The following SEZ6L2 variants were observed in gnomAD, a reference collection of about 807,000 sequenced individuals.
SEZ6L2 encodes the protein seizure 6-like protein 2.
Under a neutral mutation model 97.0 loss-of-function variants are expected in SEZ6L2, and 44 were observed. That is an observed-to-expected ratio of 0.45 (90% CI 0.36 to 0.58). The LOEUF is 0.58. Ranked by LOEUF, SEZ6L2 falls within the 20% of genes least tolerant of loss-of-function variation. SEZ6L2 has a pLI of 0.00. For synonymous variants in SEZ6L2, 543 were observed against 546.1 expected (o/e 0.99, Z 0.08); for missense variants, 1,086 against 1,233.3 (o/e 0.88, Z 1.79).
In SEZ6L2 at chr16:29,871,338, G is replaced by A; in HGVS notation, c.*361C>T. The stretch of plus-strand genomic sequence containing the variant: ...CTAGGGCCAGGGCATCTGGGAGGGG[G>A]GCACCTTCGTGGCCAAGGGAACAGT... On this transcript the variant is annotated 3_prime_UTR_variant, in exon 18 of 18. Transcript: ENST00000617533. The A allele has an allele frequency of 2.8e-6, 1 of 362,064 alleles. No homozygotes were observed. The highest frequency in any genetic ancestry group is 5.3e-6 in the Non-Finnish European group (1 of 189,844). 22.4% of individuals were successfully genotyped at this position (362,064 alleles called of 1,614,324 possible).
At chr16:29,885,521 T>C (rs775545058) in intron 8 of SEZ6L2, 65 bp downstream of exon 8, 121 of 1,540,366 alleles carry the variant, frequency 7.9e-5, no homozygotes, top group Non-Finnish European at 1.1e-4. Flanking sequence ...CTTCCGACTA[T>C]GCTTGGTGTC....
chr16:29,884,987 C>T (rs1181141520), intron 8 of SEZ6L2, among the ~76,000 whole-genome samples: 3 of 151,798 alleles, frequency 2.0e-5, no homozygotes, highest in African/African-American at 7.3e-5. Flanking sequence ...GCAGGCGGAT[C>T]ACAAGGTCAG....
chr16:29,887,861 C>A (rs1408043349), intron 6 of SEZ6L2, 44 bp from the exon 7 acceptor site: 1 of 1,599,656 alleles, frequency 6.3e-7, no homozygotes, highest in South Asian at 1.1e-5. Context: ...CTGAGGTGAA[C>A]TGTCCTTCTC....
rs1244137435 is a variant in SEZ6L2 at position 29,886,830 on chromosome 16, T to C, written c.1208+819A>G. Among the ~76,000 whole-genome samples the C allele has an allele frequency of 2.6e-5, 4 of 152,248 alleles. No homozygotes were observed. In the East Asian group the frequency reaches 5.8e-4, roughly 22 times the overall value. ...ATCTCCATTCTACAGATGAGGAAAC[T>C]GAGGCACAAAGAAGTTAAGTGATTT... On this transcript the variant is annotated intron_variant, in intron 7 of 17. Coordinates refer to ENST00000617533, the MANE Select transcript of SEZ6L2 (RefSeq NM_001243332.2).
rs869108927 is a variant in SEZ6L2, at chr16:29,889,614, C to CTTTTTTTTT, written c.854-898_854-890dup. Among the ~76,000 whole-genome samples, 10 of 70,562 alleles carry CTTTTTTTTT rather than the reference C, an allele frequency of 1.4e-4. 1 individual carries two copies. Among genetic ancestry groups the CTTTTTTTTT allele is most frequent in the East Asian group, 3.1e-4 (1 of 3,272 alleles). The allele number at this position is 70,562 out of a possible 152,430, so 46.3% of individuals were successfully genotyped here. On this transcript the variant is annotated intron_variant, in intron 5 of 17. Transcript: ENST00000617533. ...CATCCAGAAGAACCACTTGAAACTT[C>CTTTTTTTTT]TTTTTTTTTTTTTTTTTTTTTTTTT...
chr16:29,875,661 C>CTTTTTTTTTTTTTTTTTTTTT (rs149293940), intron 12 of SEZ6L2, among the ~76,000 whole-genome samples: 1 of 112,710 alleles, frequency 8.9e-6, no homozygotes, highest in African/African-American at 3.8e-5. Context: ...TTCTTTCTTT[C>CTTTTTTTTTTTTTTTTTTTTT]TTTCTTTTTT....
Position 29,872,233 on chromosome 16 carries a change from G to C in SEZ6L2, c.2696C>G (p.Pro899Arg). 1.2e-6 allele frequency: 2 copies of C among 1,612,564 alleles called. No homozygotes were observed. Among genetic ancestry groups the C allele is most frequent in the Non-Finnish European group, 1.7e-6 (2 of 1,179,352 alleles). Residue 899 changes from proline (P) to arginine (R), a missense_variant, in exon 17 of 18, where the codon CCC (proline) becomes CGC (arginine). This residue lies in a region of SEZ6L2 where 310 missense variants were observed against 438.6 expected (regional missense o/e 0.71). Transcript: ENST00000617533. ...GCTGAAGTCCGACTCCACGGTGATG[G>C]GGCTGTAGGAGTGGGAGCCCGAGAA... ...FGFSGSHSYS[P>R]ITVESDFSNP...
Position 29,872,188 on chromosome 16 carries a change from C to T in SEZ6L2, c.2741G>A (p.Gly914Glu). 6.2e-7 allele frequency: 1 copy of T among 1,600,606 alleles called. No individual in the cohort carries two copies. The highest frequency in any genetic ancestry group is 8.5e-7 in the Non-Finnish European group (1 of 1,173,360). ...SDFSNPLYEA[G>E]DTREYEVSI The stretch of plus-strand genomic sequence containing the variant: ...TTCAGGGGCAGGCAAGGTGCTTACC[C>T]CAGCTTCATACAGCGGGTTGCTGAA... Residue 914 changes from glycine to glutamate, a missense_variant and splice_region_variant, in exon 17 of 18, where the codon GGG becomes GAG. Around this residue, in one of 2 missense-constraint regions of SEZ6L2, gnomAD observed 310 missense variants for 438.6 expected, o/e 0.71. Coordinates refer to ENST00000617533, the MANE Select transcript of SEZ6L2 (RefSeq NM_001243332.2).
chr16:29,883,282 C>T (rs1235830837), intron 8 of SEZ6L2, among the ~76,000 whole-genome samples: 1 of 152,016 alleles, frequency 6.6e-6, no homozygotes, highest in African/African-American at 2.4e-5. Flanking sequence ...TGCTGTTTCT[C>T]AAAGTTCCTC....
chr16:29,876,709 C>T lies in SEZ6L2; in HGVS notation c.2104+47G>A. The T allele has an allele frequency of 6.8e-7, 1 of 1,476,866 alleles. No individual in the cohort carries two copies. The highest frequency in any genetic ancestry group is 9.0e-7 in the Non-Finnish European group (1 of 1,107,652). The allele number at this position is 1,476,866 out of a possible 1,614,324, so 91.5% of individuals were successfully genotyped here. A position where few individuals can be genotyped will look rare whatever the true frequency, so the allele number is the denominator to read the frequency against. On this transcript the variant is annotated intron_variant, in intron 12 of 17. Transcript: ENST00000617533. The surrounding 1 kb of genome is among the most constrained non-coding windows in gnomAD (Gnocchi z 6.5). ...GACAGGACAGGCCGACGACGGGGCC[C>T]ACAGGGAAGGGGCGGGGCCGAGGGG...
At position 29,871,563 on chromosome 16, in the gene SEZ6L2, C is replaced by G. The variant is rs2067780512; in HGVS notation, c.*136G>C. On this transcript the variant is annotated 3_prime_UTR_variant, in exon 18 of 18. Coordinates refer to ENST00000617533, the MANE Select transcript of SEZ6L2 (RefSeq NM_001243332.2). ...TAGGATCTCCAGGGCCATCAAAGCCCCCTCGTGGGATAGGGAGACTATTTA... is the reference window on the plus strand; with the variant it reads ...TAGGATCTCCAGGGCCATCAAAGCCGCCTCGTGGGATAGGGAGACTATTTA... The G allele has an allele frequency of 1.5e-5, 13 of 864,460 alleles. No individual in the cohort carries two copies. The South Asian group carries it at 1.9e-4, about 12-fold the overall frequency. The allele number at this position is 864,460 out of a possible 1,614,324, so 53.5% of individuals were successfully genotyped here.
rs1464540119 is a variant in SEZ6L2, at chr16:29,873,711, G to C, written c.2123C>G (p.Pro708Arg). The change falls in exon 13 of 18, where the codon CCT becomes CGT. Residue 708 changes from proline (P) to arginine (R), a missense_variant. By Grantham distance (103) the Pro-to-Arg change is moderately radical (BLOSUM62 -2). Around this residue, in one of 2 missense-constraint regions of SEZ6L2, gnomAD observed 310 missense variants for 438.6 expected, o/e 0.71. Coordinates refer to ENST00000617533, the MANE Select transcript of SEZ6L2 (RefSeq NM_001243332.2). This position sits in a 1 kb window ranked among gnomAD's most constrained non-coding sequence, Gnocchi z 4.3. The stretch of plus-strand genomic sequence containing the variant: ...GCGGTGCCCGTTGGCAATCTCGCCA[G>C]GGTCAGCACAAGTCATGACTGGTGG... ...ACQKIMTCADPGEIANGHRTA... is the reference protein window; with the variant it reads ...ACQKIMTCADRGEIANGHRTA... 1 of 1,595,670 alleles carries C rather than the reference G, an allele frequency of 6.3e-7. No individual in the cohort carries two copies. The highest frequency in any genetic ancestry group is 1.3e-5 in the African/African-American group (1 of 74,792).
rs541095994 is a variant in SEZ6L2, at chr16:29,874,550, GTTTTTTTTTTTTTTTTT to G, written c.2105-838_2105-822del. Among the ~76,000 whole-genome samples the G allele has an allele frequency of 7.9e-3, 256 of 32,560 alleles. 2 individuals carry two copies. Among genetic ancestry groups the G allele is most frequent in the South Asian group, 0.049 (28 of 576 alleles). The allele number at this position is 32,560 out of a possible 152,430, so 21.4% of individuals were successfully genotyped here. On this transcript the variant is annotated intron_variant, in intron 12 of 17. Transcript: ENST00000617533. ...AATATAATTCTTTGTGTGTGTGCTT[GTTTTTTTTTTTTTTTTT>G]TTTTTTTTTTTTTTTTTTTTTGAGA...
Position 29,899,334 on chromosome 16 carries a change from C to G in SEZ6L2, c.-315G>C, listed in dbSNP as rs2068484122. 2.7e-6 allele frequency: 1 copy of G among 364,764 alleles called. No individual in the cohort carries two copies. The highest frequency in any genetic ancestry group is 2.6e-5 in the South Asian group (1 of 38,608). The allele number at this position is 364,764 out of a possible 1,614,324, so 22.6% of individuals were successfully genotyped here. A position where few individuals can be genotyped will look rare whatever the true frequency, so the allele number is the denominator to read the frequency against. On this transcript the variant is annotated 5_prime_UTR_variant, in exon 1 of 18. Coordinates refer to ENST00000617533, the MANE Select transcript of SEZ6L2 (RefSeq NM_001243332.2). The stretch of plus-strand genomic sequence containing the variant: ...CGAAGGGGCCGGGTGGCCTGGGTTA[C>G]CCTCCTGCTCAGGCGCCTGGGTCCA...
At chr16:29,872,123 G>C in intron 17 of SEZ6L2, 64 bp downstream of exon 17, 3 of 1,314,918 alleles carry the variant, frequency 2.3e-6, no homozygotes, top group Non-Finnish European at 2.1e-6. Context: ...GAGACCTTGC[G>C]AGAAGGTTAT....
Position 29,877,292 on chromosome 16 carries a change from C to T in SEZ6L2, c.1888G>A (p.Gly630Ser). Residue 630 changes from glycine (G) to serine (S), a missense_variant, in exon 11 of 18, where the codon GGC becomes AGC. By Grantham distance (56) the Gly-to-Ser change is moderately conservative. Transcript: ENST00000617533. The part of the protein sequence containing the change: ...PGPPNPGLGQ[G>S]FVLHFKEVPR... Reference sequence around the variant, plus strand: ...GTACCTTTGAAGTGCAATACGAAGCCCTGGCCCAGGCCTGGATTTGGGGGC... The same window carrying T: ...GTACCTTTGAAGTGCAATACGAAGCTCTGGCCCAGGCCTGGATTTGGGGGC... 6 of 1,604,632 alleles carry T rather than the reference C, an allele frequency of 3.7e-6. No individual in the cohort carries two copies. The highest frequency in any genetic ancestry group is 5.1e-6 in the Non-Finnish European group (6 of 1,175,498).
In SEZ6L2 at chr16:29,897,997, G is replaced by A; in HGVS notation, c.80-13C>T. On this transcript the variant is annotated splice_polypyrimidine_tract_variant and intron_variant, in intron 1 of 17. Coordinates refer to ENST00000617533, the MANE Select transcript of SEZ6L2 (RefSeq NM_001243332.2). Reference sequence around the variant, plus strand: ...TTCAGGGGCAGACCTAGGAGGTGAAGTTGTGTGAGCTTCTCCACTTCCCCA... The same window carrying A: ...TTCAGGGGCAGACCTAGGAGGTGAAATTGTGTGAGCTTCTCCACTTCCCCA... The A allele has an allele frequency of 1.2e-6, 2 of 1,612,480 alleles. No individual in the cohort carries two copies. Among genetic ancestry groups the A allele is most frequent in the South Asian group, 1.1e-5 (1 of 90,924 alleles).
At chr16:29,888,486 CT>C in intron 6 of SEZ6L2, 53 bp downstream of exon 6, 1 of 1,577,846 alleles carries the variant, frequency 6.3e-7, no homozygotes, top group Non-Finnish European at 8.7e-7. Flanking sequence ...AGATAGGACC[CT>C]CCCAATGGGG....
Position 29,895,351 on chromosome 16 carries a change from CCTT to C in SEZ6L2, c.758_760del (p.Glu253del). 4 of 1,614,170 alleles carry C rather than the reference CCTT, an allele frequency of 2.5e-6. No homozygotes were observed. The highest frequency in any genetic ancestry group is 3.4e-6 in the Non-Finnish European group (4 of 1,180,038). ...GTTGGTTGGGCTCCGAAGGACTTGTCCTTCTCCAAGCATGGATGAGTTGGCCAG... is the reference window on the plus strand; with the variant it reads ...GTTGGTTGGGCTCCGAAGGACTTGTCCTCCAAGCATGGATGAGTTGGCCAG... On this transcript the variant is annotated inframe_deletion, in exon 5 of 18. Coordinates refer to ENST00000617533, the MANE Select transcript of SEZ6L2 (RefSeq NM_001243332.2).
Sources: allele counts gnomAD v4.1 joint callset (sites outside exome capture counted in the v4.1 genomes callset), GRCh38; gene constraint gnomAD v4.1.1; regional missense constraint gnomAD v4.1.1; non-coding constraint Gnocchi (gnomAD v3.1); transcripts MANE v1.5; gene names NCBI Gene and HGNC (gene_info 2026-07-23, HGNC 2026-07-21).